FBN2: variants seen among roughly 807,000 people sequenced by gnomAD.
FBN2 encodes fibrillin 2, also known as fibrillin-2.
A neutral mutation model predicts 355.6 loss-of-function variants in FBN2; 105 were observed. That is an observed-to-expected ratio of 0.30 (90% confidence interval 0.25 to 0.35). The LOEUF is 0.35. FBN2 is among the 10% of genes least tolerant of loss of function. The pLI is 1.00. For missense variants in FBN2, 3,280 were observed against 3,758.7 expected (o/e 0.87, Z 3.33); for synonymous variants, 1,350 against 1,301.2 (o/e 1.04, Z -0.81).
At chr5:128,272,271 T>G (rs559844243) in intron 61 of FBN2, among the ~76,000 whole-genome samples, 153 bp from the exon 62 acceptor site, 2 of 152,150 alleles carry the variant, frequency 1.3e-5, no homozygotes, top group Admixed American at 6.5e-5. Context: ...CCAGGTCACA[T>G]GGTTATTAGT....
At chr5:128,471,079 T>C (rs2127093283) in intron 5 of FBN2, among the ~76,000 whole-genome samples, 1 of 152,302 alleles carries the variant, frequency 6.6e-6, no homozygotes, top group African/African-American at 2.4e-5. Flanking sequence ...AGAAGGTATT[T>C]ATGTTCTCAG....
At chr5:128,394,827 T>TCA (rs1201504846) in intron 9 of FBN2, among the ~76,000 whole-genome samples, 1 of 152,070 alleles carries the variant, frequency 6.6e-6, no homozygotes, top group Non-Finnish European at 1.5e-5. Flanking sequence ...GCTCTGTCAC[T>TCA]CAGGCTGGAG....
At chr5:128,433,019 G>C (rs1753665371) in intron 7 of FBN2, among the ~76,000 whole-genome samples, 2 of 152,168 alleles carry the variant, frequency 1.3e-5, no homozygotes, top group Admixed American at 6.5e-5. Flanking sequence ...GAGAACAGCA[G>C]TGGGGAAACC....
At chr5:128,513,237 G>A (rs1756179782) in intron 5 of FBN2, among the ~76,000 whole-genome samples, 1 of 152,142 alleles carries the variant, frequency 6.6e-6, no homozygotes, top group Non-Finnish European at 1.5e-5. Context: ...TGTAACTTTT[G>A]AAATATACGG....
chr5:128,464,751 G>A lies in FBN2; in HGVS notation c.799C>T (p.Pro267Ser), dbSNP rs1229950368. ...TGGCAAGCTCCAGTGCGGATGTTGG[G>A]GATGAAACCCCGTCGGCAGGGCTGA... ...QPQPCRRGFI[P>S]NIRTGACQDV... The change falls in exon 6 of 65, where the codon CCC becomes TCC. Residue 267 changes from proline (P) to serine (S), a missense_variant. This residue lies in a region of FBN2 where 343 missense variants were observed against 331.0 expected (regional missense o/e 1.04). Coordinates refer to ENST00000262464, the MANE Select transcript of FBN2 (RefSeq NM_001999.4). 1.9e-6 allele frequency: 3 copies of A among 1,613,866 alleles called. No homozygotes were observed. Among genetic ancestry groups the A allele is most frequent in the Non-Finnish European group, 2.5e-6 (3 of 1,179,962 alleles).
At chr5:128,461,503 G>A (rs1027317055) in intron 6 of FBN2, among the ~76,000 whole-genome samples, 4 of 152,154 alleles carry the variant, frequency 2.6e-5, no homozygotes, top group Non-Finnish European at 5.9e-5. Flanking sequence ...ATTAGTGGGT[G>A]TATACCCAAT....
intron 5 of FBN2, among the ~76,000 whole-genome samples, chr5:128,473,595 T>G (rs186377982): frequency 9.8e-4 from 150 of 152,332 alleles, no homozygotes; most frequent in Non-Finnish European, 1.6e-3. Flanking sequence ...ACTATGTTCC[T>G]TCACCCCAAC....
Position 128,318,873 on chromosome 5 carries a change from C to T in FBN2, c.4594+6G>A, listed in dbSNP as rs1383183792. 1.9e-6 allele frequency: 3 copies of T among 1,612,148 alleles called. No homozygotes were observed. The highest frequency in any genetic ancestry group is 1.3e-5 in the African/African-American group (1 of 74,856). Reference sequence around the variant, plus strand: ...AGAACACAACTTAGCTGGTAACTGACCATACCTGTACAGTTCCCTCCTGTT... The same window carrying T: ...AGAACACAACTTAGCTGGTAACTGATCATACCTGTACAGTTCCCTCCTGTT... On this transcript the variant is annotated splice_donor_region_variant and intron_variant, in intron 35 of 64. Coordinates refer to ENST00000262464, the MANE Select transcript of FBN2 (RefSeq NM_001999.4).
At chr5:128,307,883 A>G (rs527483127) in intron 41 of FBN2, among the ~76,000 whole-genome samples, 1 of 152,260 alleles carries the variant, frequency 6.6e-6, no homozygotes, top group African/African-American at 2.4e-5. Context: ...AGTATTATAT[A>G]AAACTTAAAC....
intron 26 of FBN2, 87 bp downstream of exon 26, chr5:128,338,846 A>G: frequency 7.0e-7 from 1 of 1,430,976 alleles, no homozygotes; most frequent in Admixed American, 1.7e-5. Flanking sequence ...TGCCGTTCAC[A>G]GCCCAGAGAT....
At chr5:128,353,493 GC>G (rs1273209007) in intron 20 of FBN2, among the ~76,000 whole-genome samples, 1 of 152,164 alleles carries the variant, frequency 6.6e-6, no homozygotes. Context: ...GTCTCAAACT[GC>G]AGGCTTGTTA....
intron 55 of FBN2, among the ~76,000 whole-genome samples, chr5:128,281,338 T>C (rs897176444): frequency 2.6e-5 from 4 of 152,234 alleles, no homozygotes; most frequent in African/African-American, 9.6e-5. Context: ...TGAACTCATA[T>C]TTGGAAGTCA....
chr5:128,420,473 T>A (rs1753316939), intron 7 of FBN2, among the ~76,000 whole-genome samples: 1 of 152,212 alleles, frequency 6.6e-6, no homozygotes, highest in Admixed American at 6.5e-5. Flanking sequence ...AGGATAGTTA[T>A]GAAATTTCTG....
At chr5:128,388,456 G>A (rs2126972460) in intron 11 of FBN2, among the ~76,000 whole-genome samples, 1 of 152,270 alleles carries the variant, frequency 6.6e-6, no homozygotes, top group South Asian at 2.1e-4. Flanking sequence ...ACTTAAGTTT[G>A]TTTTTGTGGT....
intron 33 of FBN2, among the ~76,000 whole-genome samples, 190 bp from the exon 34 acceptor site, chr5:128,329,011 T>C (rs984390413): frequency 1.3e-5 from 2 of 152,102 alleles, no homozygotes; most frequent in Admixed American, 6.5e-5. Flanking sequence ...CCCCTAACAT[T>C]CAATTGTAAT....
intron 24 of FBN2, among the ~76,000 whole-genome samples, chr5:128,344,997 G>C (rs760298937): frequency 6.6e-6 from 1 of 152,114 alleles, no homozygotes; most frequent in African/African-American, 2.4e-5. Context: ...CACCACGCCC[G>C]GCCAAAGATT....
chr5:128,272,486 A>AT (rs1765293329), intron 61 of FBN2, among the ~76,000 whole-genome samples: 51 of 144,350 alleles, frequency 3.5e-4, no homozygotes, highest in Middle Eastern at 3.6e-3. Context: ...ATATATATAT[A>AT]AAATATATTT....
chr5:128,450,996 C>T (rs943121980), intron 6 of FBN2, among the ~76,000 whole-genome samples: 2 of 152,060 alleles, frequency 1.3e-5, no homozygotes, highest in Admixed American at 1.3e-4. Flanking sequence ...CACACATATT[C>T]AGGATGATGG....
intron 7 of FBN2, among the ~76,000 whole-genome samples, chr5:128,434,974 C>A (rs777469094): frequency 1.3e-5 from 2 of 152,064 alleles, no homozygotes; most frequent in African/African-American, 2.4e-5. Context: ...TTAGCAGACA[C>A]TGAATTGCAA....
Sources: allele counts gnomAD v4.1 joint callset (sites outside exome capture counted in the v4.1 genomes callset), GRCh38; gene constraint gnomAD v4.1.1; regional missense constraint gnomAD v4.1.1; transcripts MANE v1.5; gene names NCBI Gene and HGNC (gene_info 2026-07-23, HGNC 2026-07-21).